SCGB1D1: variants seen among roughly 807,000 people sequenced by gnomAD.
SCGB1D1 encodes the protein secretoglobin family 1D member 1, also known as lipophilin A (uteroglobin family member).
A neutral mutation model predicts 8.3 loss-of-function variants in SCGB1D1; 10 were observed. The observed-to-expected ratio is 1.21, with a 90% CI of 0.74 to 2.05. The LOEUF (loss-of-function observed/expected upper bound fraction) is 2.05. SCGB1D1 is among the 30% of genes most tolerant of loss of function. The pLI is 0.00. For synonymous variants in SCGB1D1, 46 were observed against 41.7 expected (o/e 1.10, Z -0.39); for missense variants, 94 against 105.1 (o/e 0.89, Z 0.46).
intron 1 of SCGB1D1, 85 bp from the exon 2 acceptor site, chr11:62,191,971 G>A: frequency 8.1e-7 from 1 of 1,231,604 alleles, no homozygotes; most frequent in Non-Finnish European, 1.1e-6. Flanking sequence ...AAAACCCTGG[G>A]GTTCCTGTCT....
At chr11:62,192,824 C>T (rs974899914) in intron 2 of SCGB1D1, among the ~76,000 whole-genome samples, 3 of 152,210 alleles carry the variant, frequency 2.0e-5, no homozygotes, top group Non-Finnish European at 4.4e-5. Context: ...CCAAGACCCT[C>T]GCTACTCTAC....
At chr11:62,191,591 A>G (rs114241681) in intron 1 of SCGB1D1, among the ~76,000 whole-genome samples, 2,323 of 152,292 alleles carry the variant, frequency 0.015, 48 homozygotes, top group African/African-American at 0.052. Flanking sequence ...TCAACATTTC[A>G]ATAATTTTAA....
chr11:62,192,722 C>G (rs1944688456), intron 2 of SCGB1D1, among the ~76,000 whole-genome samples: 1 of 152,206 alleles, frequency 6.6e-6, no homozygotes, highest in East Asian at 1.9e-4. Context: ...TTCTCTGCAG[C>G]TTCTGCAGAA....
chr11:62,190,472 A>T, intron 1 of SCGB1D1, 133 bp downstream of exon 1: 1 of 1,064,588 alleles, frequency 9.4e-7, no homozygotes. Flanking sequence ...TGCTTGTTGA[A>T]GGAACTGCTC....
rs1030043350 is a variant in SCGB1D1, at chr11:62,191,554, C to T, written c.56-502C>T. ...GTATTGAATCACATAAGCCTAAATT[C>T]TACAACTTGTTCTCAAAACATCACC... On this transcript the variant is annotated intron_variant, in intron 1 of 2. Coordinates refer to ENST00000306238, the MANE Select transcript of SCGB1D1 (RefSeq NM_006552.2). Among the ~76,000 whole-genome samples the T allele has an allele frequency of 7.2e-5, 11 of 152,170 alleles. No individual in the cohort carries two copies. The East Asian group carries it at 2.1e-3, about 29-fold the overall frequency.
chr11:62,190,544 T>G (rs1622788), intron 1 of SCGB1D1, among the ~76,000 whole-genome samples: 8,713 of 152,246 alleles, frequency 0.057, 788 homozygotes, highest in African/African-American at 0.2. Context: ...AGAAAATCAA[T>G]GCAGGCGAAC....
chr11:62,191,969 G>A (rs1344158937), intron 1 of SCGB1D1, 87 bp from the exon 2 acceptor site: 2 of 1,214,070 alleles, frequency 1.6e-6, no homozygotes, highest in Non-Finnish European at 2.3e-6. Context: ...CTAAAACCCT[G>A]GGGTTCCTGT....
chr11:62,191,531 A>G (rs1944677764), intron 1 of SCGB1D1, among the ~76,000 whole-genome samples: 1 of 152,180 alleles, frequency 6.6e-6, no homozygotes, highest in Admixed American at 6.5e-5. Flanking sequence ...CTCTGTCTGT[A>G]TTGAATCACA....
chr11:62,191,086 C>G (rs1022799582), intron 1 of SCGB1D1, among the ~76,000 whole-genome samples: 4 of 152,116 alleles, frequency 2.6e-5, no homozygotes, highest in Non-Finnish European at 4.4e-5. Flanking sequence ...TGATTTTTCC[C>G]CAGTTCATTT....
chr11:62,191,282 G>A (rs1338745932), intron 1 of SCGB1D1, among the ~76,000 whole-genome samples: 1 of 152,094 alleles, frequency 6.6e-6, no homozygotes, highest in African/African-American at 2.4e-5. Context: ...TGGATGCATG[G>A]TGTTTGCAAA....
At chr11:62,192,618 G>A (rs1361354226) in intron 2 of SCGB1D1, among the ~76,000 whole-genome samples, 1 of 152,248 alleles carries the variant, frequency 6.6e-6, no homozygotes, top group Non-Finnish European at 1.5e-5. Context: ...ACTGTGGAAT[G>A]TACTGGGGAG....
In SCGB1D1 at chr11:62,190,321, G is replaced by C; in HGVS notation, c.37G>C (p.Ala13Pro). 2 of 1,614,168 alleles carry C rather than the reference G, an allele frequency of 1.2e-6. No homozygotes were observed. The highest frequency in any genetic ancestry group is 1.7e-6 in the Non-Finnish European group (2 of 1,180,028). Residue 13 changes from alanine (A) to proline (P), a missense_variant, in exon 1 of 3, where the codon GCC (alanine) becomes CCC (proline). Transcript: ENST00000306238. ...GGTGTGTCTCCTGCTGCTCACGCTG[G>C]CCCTTTGCTGCTACCGGGGTGAGTA... is the stretch of plus-strand genomic sequence containing the variant. The part of the protein sequence containing the change: ...LSVCLLLLTL[A>P]LCCYRANAVV...
In SCGB1D1 at chr11:62,193,431, T is replaced by C. The variant is rs1295212404; in HGVS notation, c.*3T>C. 1.2e-6 allele frequency: 2 copies of C among 1,612,088 alleles called. No homozygotes were observed. The highest frequency in any genetic ancestry group is 2.2e-5 in the South Asian group (2 of 90,722). ...TAGCAGAGAAATGTGATCGCTGAGA[T>C]GTAAAAAGTTTTTAATGCTAGTTTC... On this transcript the variant is annotated 3_prime_UTR_variant, in exon 3 of 3. Coordinates refer to ENST00000306238, the MANE Select transcript of SCGB1D1 (RefSeq NM_006552.2).
intron 1 of SCGB1D1, 62 bp from the exon 2 acceptor site, chr11:62,191,994 G>T: frequency 7.0e-7 from 1 of 1,436,604 alleles, no homozygotes; most frequent in African/African-American, 1.4e-5. Flanking sequence ...TCTGACATCA[G>T]GGAGGCATGG....
rs769326106 is a variant in SCGB1D1, at chr11:62,192,135, A to G, written c.135A>G (p.Gln45=). 38 of 1,613,804 alleles carry G rather than the reference A, an allele frequency of 2.4e-5. No homozygotes were observed. Among genetic ancestry groups the G allele is most frequent in the Non-Finnish European group, 3.0e-5 (35 of 1,179,808 alleles). ...CTGGAAAACCTGTGTTCAAGTTCCA[A>G]CTTGCCAAATTTAAGGCACCTCTGG... ...LLAGKPVFKF[Q]LAKFKAPLEA... Residue 45 remains glutamine (Q), a synonymous_variant, in exon 2 of 3, where the codon CAA becomes CAG. Transcript: ENST00000306238.
intron 1 of SCGB1D1, among the ~76,000 whole-genome samples, chr11:62,191,697 T>G (rs1944679038): frequency 6.6e-6 from 1 of 152,150 alleles, no homozygotes; most frequent in South Asian, 2.1e-4. Flanking sequence ...AGCCTCCTCT[T>G]CACCAATGTC....
intron 1 of SCGB1D1, among the ~76,000 whole-genome samples, chr11:62,190,752 T>C (rs1565115895): frequency 6.6e-6 from 1 of 152,204 alleles, no homozygotes; most frequent in East Asian, 1.9e-4. Context: ...AGTGGGATTA[T>C]TGTGCCAAGG....
rs138716764 is a variant in SCGB1D1, at chr11:62,190,333, T to C, written c.49T>C (p.Tyr17His). The C allele has an allele frequency of 7.8e-4, 1,255 of 1,614,056 alleles. 1 individual carries two copies. Among genetic ancestry groups the C allele is most frequent in the Non-Finnish European group, 1.0e-3 (1,199 of 1,180,008 alleles). The change falls in exon 1 of 3, where the codon TAC becomes CAC. Residue 17 changes from tyrosine (Y) to histidine (H), a missense_variant. By Grantham distance (83) the Tyr-to-His change is moderately conservative. Coordinates refer to ENST00000306238, the MANE Select transcript of SCGB1D1 (RefSeq NM_006552.2). Reference protein sequence around the residue: ...LLLLTLALCCYRANAVVCQAL... With the variant: ...LLLLTLALCCHRANAVVCQAL... Reference sequence around the variant, plus strand: ...GCTGCTCACGCTGGCCCTTTGCTGCTACCGGGGTGAGTACATCAGTCATGA... The same window carrying C: ...GCTGCTCACGCTGGCCCTTTGCTGCCACCGGGGTGAGTACATCAGTCATGA...
rs953211520 is a variant in SCGB1D1, at chr11:62,190,225, G to A, written c.-60G>A. The A allele has an allele frequency of 1.9e-6, 3 of 1,608,606 alleles. No individual in the cohort carries two copies. The highest frequency in any genetic ancestry group is 1.7e-6 in the Non-Finnish European group (2 of 1,175,680). ...GGCTCCACGGCTCCACAGGCTCCCG[G>A]GGCTGAGTCTAAATCACTCATCATT... On this transcript the variant is annotated 5_prime_UTR_variant, in exon 1 of 3. Transcript: ENST00000306238.
Sources: allele counts gnomAD v4.1 joint callset (sites outside exome capture counted in the v4.1 genomes callset), GRCh38; gene constraint gnomAD v4.1.1; transcripts MANE v1.5; gene names NCBI Gene and HGNC (gene_info 2026-07-23, HGNC 2026-07-21).